Variants in SLC5A3 observed in about 807,000 individuals in gnomAD.
SLC5A3 encodes solute carrier family 5 member 3.
In SLC5A3, 10 loss-of-function variants were observed where a neutral mutation model predicts 43.2. The observed-to-expected ratio is 0.23, with a 90% CI of 0.14 to 0.39. The LOEUF is 0.39. SLC5A3 is among the 10% of genes least tolerant of loss of function. The pLI, the probability that SLC5A3 is intolerant of heterozygous loss-of-function variation, is 1.00. For missense variants in SLC5A3, 608 were observed against 893.4 expected, an observed-to-expected ratio of 0.68 and a Z score of 4.07; for synonymous variants, 349 against 322.0, an observed-to-expected ratio of 1.08 and a Z score of -0.90.
At position 34,100,915 on chromosome 21, in the gene SLC5A3, TC is replaced by T. The variant is rs1979207802; in HGVS notation, c.*3562del. ...TACTCAAAGGTTAGGTCTTCCCTGT[TC>T]CTGCTTGGCAGTGTTAAAGCTTACA... On this transcript the variant is annotated 3_prime_UTR_variant, in exon 2 of 2. Coordinates refer to ENST00000381151, the MANE Select transcript of SLC5A3 (RefSeq NM_006933.7). 2 of 1,000,120 alleles carry T rather than the reference TC, an allele frequency of 2.0e-6. No homozygotes were observed. The highest frequency in any genetic ancestry group is 6.2e-5 in the Admixed American group (1 of 16,248). The allele number at this position is 1,000,120 out of a possible 1,614,324, so 62.0% of individuals were successfully genotyped here. A position where few individuals can be genotyped will look rare whatever the true frequency, so the allele number is the denominator to read the frequency against.
chr21:34,100,724 T>C lies in SLC5A3; in HGVS notation c.*3369T>C, dbSNP rs1979198666. On this transcript the variant is annotated 3_prime_UTR_variant, in exon 2 of 2. Transcript: ENST00000381151. ...AGGCTAAGCAAGGGGTTAACTCTTG[T>C]GAGAGCCAATAGAGTGTGTCTGTAT... is the stretch of plus-strand genomic sequence containing the variant. 1.0e-6 allele frequency: 1 copy of C among 999,906 alleles called. No homozygotes were observed. Among genetic ancestry groups the C allele is most frequent in the African/African-American group, 1.8e-5 (1 of 57,136 alleles). 61.9% of individuals were successfully genotyped at this position (999,906 alleles called of 1,614,324 possible).
intron 1 of SLC5A3, among the ~76,000 whole-genome samples, chr21:34,094,568 G>C (rs908489180): frequency 6.6e-6 from 1 of 152,128 alleles, no homozygotes; most frequent in African/African-American, 2.4e-5. Flanking sequence ...ACCACAGTAA[G>C]ACAAGAAAGG....
chr21:34,088,052 G>C (rs1016096855), intron 1 of SLC5A3, among the ~76,000 whole-genome samples: 2 of 152,176 alleles, frequency 1.3e-5, no homozygotes, highest in Admixed American at 1.3e-4. Context: ...TCATACCCCG[G>C]AACAACAGGC....
Position 34,089,069 on chromosome 21 carries a change from C to G in SLC5A3, c.-336-5794C>G, listed in dbSNP as rs376932044. ...TTTGAGACAGTCTCGCTCTGTTGCC[C>G]AGGCTGGAGTGCAGAGGTGTGATCT... is the stretch of plus-strand genomic sequence containing the variant. On this transcript the variant is annotated intron_variant, in intron 1 of 1. Coordinates refer to ENST00000381151, the MANE Select transcript of SLC5A3 (RefSeq NM_006933.7). Among the ~76,000 whole-genome samples, 118 of 152,242 alleles carry G rather than the reference C, an allele frequency of 7.8e-4. 5 individuals carry two copies. The South Asian group carries it at 0.023, about 30-fold the overall frequency.
At position 34,105,810 on chromosome 21, in the gene SLC5A3, A is replaced by G; in HGVS notation, c.*8455A>G. The G allele has an allele frequency of 1.0e-6, 1 of 996,820 alleles. No individual in the cohort carries two copies. Among genetic ancestry groups the G allele is most frequent in the South Asian group, 4.7e-5 (1 of 21,236 alleles). The allele number at this position is 996,820 out of a possible 1,614,324, so 61.7% of individuals were successfully genotyped here. On this transcript the variant is annotated 3_prime_UTR_variant, in exon 2 of 2. Transcript: ENST00000381151. The stretch of plus-strand genomic sequence containing the variant: ...TGTACAGTGTTTTAGTTGCAAGCAG[A>G]AAGTAGAATTTGGTATAAAGCAGGT...
chr21:34,073,730 G>A lies in SLC5A3; in HGVS notation c.-352G>A. On this transcript the variant is annotated 5_prime_UTR_variant, in exon 1 of 2. Coordinates refer to ENST00000381151, the MANE Select transcript of SLC5A3 (RefSeq NM_006933.7). ...CCCGCTACGAGCTGGCTTTAATCCT[G>A]AAAGCCATGCAGCGGGTAAGTGACC... 1 of 1,528,790 alleles carries A rather than the reference G, an allele frequency of 6.5e-7. No individual in the cohort carries two copies. The highest frequency in any genetic ancestry group is 8.8e-7 in the Non-Finnish European group (1 of 1,132,714). The allele number at this position is 1,528,790 out of a possible 1,614,324, so 94.7% of individuals were successfully genotyped here.
chr21:34,081,409 G>A (rs576383077), intron 1 of SLC5A3, among the ~76,000 whole-genome samples: 1 of 152,278 alleles, frequency 6.6e-6, no homozygotes, highest in South Asian at 2.1e-4. Flanking sequence ...ATAGTTTTAT[G>A]ACTGGATATG....
chr21:34,074,958 C>T (rs1352360444), intron 1 of SLC5A3, among the ~76,000 whole-genome samples: 1 of 152,228 alleles, frequency 6.6e-6, no homozygotes. Context: ...CCTGGCCAGG[C>T]ATGCCATTGT....
In SLC5A3 at chr21:34,100,609, C is replaced by A. The variant is rs1979192290; in HGVS notation, c.*3254C>A. On this transcript the variant is annotated 3_prime_UTR_variant, in exon 2 of 2. Coordinates refer to ENST00000381151, the MANE Select transcript of SLC5A3 (RefSeq NM_006933.7). ...GTAGCCATAGCTCTTAGGGATGATA[C>A]CTCAAGAAATTAGCTGGGACCCATC... 2 of 1,000,088 alleles carry A rather than the reference C, an allele frequency of 2.0e-6. No homozygotes were observed. The highest frequency in any genetic ancestry group is 1.1e-4 in the East Asian group (1 of 8,826). The allele number at this position is 1,000,088 out of a possible 1,614,324, so 62.0% of individuals were successfully genotyped here. A position where few individuals can be genotyped will look rare whatever the true frequency, so the allele number is the denominator to read the frequency against.
In SLC5A3 at chr21:34,099,408, A is replaced by C; in HGVS notation, c.*2053A>C. On this transcript the variant is annotated 3_prime_UTR_variant, in exon 2 of 2. Transcript: ENST00000381151. ...ATGTTTTGTCCTGTTTTTTCAAAGGAACTGTTCTTCCTTTGGGACAACCTT... is the reference window on the plus strand; with the variant it reads ...ATGTTTTGTCCTGTTTTTTCAAAGGCACTGTTCTTCCTTTGGGACAACCTT... 1 of 1,000,152 alleles carries C rather than the reference A, an allele frequency of 1.0e-6. No individual in the cohort carries two copies. 62.0% of individuals were successfully genotyped at this position (1,000,152 alleles called of 1,614,324 possible). A position where few individuals can be genotyped will look rare whatever the true frequency, so the allele number is the denominator to read the frequency against.
chr21:34,102,099 T>C lies in SLC5A3; in HGVS notation c.*4744T>C, dbSNP rs1344289429. ...GACTTGGTTAACTTAGGGCTGCAAATCTTTTTCTTCTGTCAAGGTCACTTA... is the reference window on the plus strand; with the variant it reads ...GACTTGGTTAACTTAGGGCTGCAAACCTTTTTCTTCTGTCAAGGTCACTTA... On this transcript the variant is annotated 3_prime_UTR_variant, in exon 2 of 2. Transcript: ENST00000381151. 1 of 1,000,020 alleles carries C rather than the reference T, an allele frequency of 1.0e-6. No homozygotes were observed. Among genetic ancestry groups the C allele is most frequent in the African/African-American group, 1.7e-5 (1 of 57,228 alleles). 61.9% of individuals were successfully genotyped at this position (1,000,020 alleles called of 1,614,324 possible).
At chr21:34,074,815 T>TA (rs1989286636) in intron 1 of SLC5A3, among the ~76,000 whole-genome samples, 1 of 152,260 alleles carries the variant, frequency 6.6e-6, no homozygotes, top group Non-Finnish European at 1.5e-5. Context: ...CGAGGAGTAT[T>TA]ACCAAGTTTG....
In SLC5A3 at chr21:34,104,747, A is replaced by G; in HGVS notation, c.*7392A>G. ...AAGTGCAGGAAAGAGAAGTTTGAGG[A>G]ACACCCTTGGCTTAGCAACATGTGA... On this transcript the variant is annotated 3_prime_UTR_variant, in exon 2 of 2. Transcript: ENST00000381151. The G allele has an allele frequency of 1.0e-6, 1 of 1,000,318 alleles. No individual in the cohort carries two copies. The highest frequency in any genetic ancestry group is 1.2e-6 in the Non-Finnish European group (1 of 830,014). 62.0% of individuals were successfully genotyped at this position (1,000,318 alleles called of 1,614,324 possible).
chr21:34,074,333 A>G (rs918120141), intron 1 of SLC5A3, among the ~76,000 whole-genome samples: 1 of 152,224 alleles, frequency 6.6e-6, no homozygotes, highest in Non-Finnish European at 1.5e-5. Flanking sequence ...TCATGTTAAA[A>G]AAAAATCTTT....
At chr21:34,074,308 C>G (rs1989268813) in intron 1 of SLC5A3, among the ~76,000 whole-genome samples, 1 of 152,178 alleles carries the variant, frequency 6.6e-6, no homozygotes, top group African/African-American at 2.4e-5. Context: ...GTATTCCAGT[C>G]TCTTGCAATC....
In SLC5A3 at chr21:34,101,014, C is replaced by T. The variant is rs1182474012; in HGVS notation, c.*3659C>T. ...ATGACTGGAAAGGGATCACATGGGT[C>T]GTTGGTGGTGACACCTCACTGTTTC... On this transcript the variant is annotated 3_prime_UTR_variant, in exon 2 of 2. Coordinates refer to ENST00000381151, the MANE Select transcript of SLC5A3 (RefSeq NM_006933.7). 5 of 999,920 alleles carry T rather than the reference C, an allele frequency of 5.0e-6. No homozygotes were observed. The highest frequency in any genetic ancestry group is 4.7e-5 in the South Asian group (1 of 21,290). The allele number at this position is 999,920 out of a possible 1,614,324, so 61.9% of individuals were successfully genotyped here.
At chr21:34,084,373 T>G (rs1282515406) in intron 1 of SLC5A3, among the ~76,000 whole-genome samples, 1 of 151,960 alleles carries the variant, frequency 6.6e-6, no homozygotes, top group African/African-American at 2.4e-5. Flanking sequence ...AACATAAAAT[T>G]GGAACCAAGT....
chr21:34,073,704 C>T lies in SLC5A3; in HGVS notation c.-378C>T, dbSNP rs1029817235. ...CGCACTCGCCGATCCTCCAGGCATG[C>T]CCCGCTACGAGCTGGCTTTAATCCT... On this transcript the variant is annotated 5_prime_UTR_variant, in exon 1 of 2. Coordinates refer to ENST00000381151, the MANE Select transcript of SLC5A3 (RefSeq NM_006933.7). 9 of 1,525,612 alleles carry T rather than the reference C, an allele frequency of 5.9e-6. No individual in the cohort carries two copies. In the East Asian group the frequency reaches 1.6e-4, roughly 27 times the overall value. 94.5% of individuals were successfully genotyped at this position (1,525,612 alleles called of 1,614,324 possible). A position where few individuals can be genotyped will look rare whatever the true frequency, so the allele number is the denominator to read the frequency against.
In SLC5A3 at chr21:34,100,410, T is replaced by C. The variant is rs1392073683; in HGVS notation, c.*3055T>C. On this transcript the variant is annotated 3_prime_UTR_variant, in exon 2 of 2. Coordinates refer to ENST00000381151, the MANE Select transcript of SLC5A3 (RefSeq NM_006933.7). The stretch of plus-strand genomic sequence containing the variant: ...TTGAGCCGATTTCTTCTTCCCCAGC[T>C]ATTCTTTCCTGGGGGTAATTATGCT... 1.0e-6 allele frequency: 1 copy of C among 1,000,044 alleles called. No homozygotes were observed. Among genetic ancestry groups the C allele is most frequent in the Non-Finnish European group, 1.2e-6 (1 of 829,912 alleles). 61.9% of individuals were successfully genotyped at this position (1,000,044 alleles called of 1,614,324 possible). A position where few individuals can be genotyped will look rare whatever the true frequency, so the allele number is the denominator to read the frequency against.
Sources: allele counts gnomAD v4.1 joint callset (sites outside exome capture counted in the v4.1 genomes callset), GRCh38; gene constraint gnomAD v4.1.1; transcripts MANE v1.5; gene names NCBI Gene and HGNC (gene_info 2026-07-23, HGNC 2026-07-21).